XKR9: variants seen among roughly 807,000 people sequenced by gnomAD.
XKR9 encodes XK related 9.
In XKR9, 32 loss-of-function variants were observed where a neutral mutation model predicts 32.0. The observed-to-expected ratio is 1.00, with a 90% CI of 0.76 to 1.34. XKR9 has a LOEUF of 1.34. XKR9 is among the 40% of genes most tolerant of loss of function. The probability of loss-of-function intolerance (pLI) is 0.00; values close to 1 mark genes in which losing one functional copy is unlikely to be tolerated. For missense variants in XKR9, 546 were observed against 429.7 expected (o/e 1.27, Z -2.39); for synonymous variants, 168 against 143.4 (o/e 1.17, Z -1.22).
rs529728962 is a variant in XKR9 at position 70,734,757 on chromosome 8, T to C, written c.*333T>C. The C allele has an allele frequency of 1.2e-5, 2 of 170,630 alleles. No homozygotes were observed. The highest frequency in any genetic ancestry group is 1.7e-4 in the South Asian group (1 of 6,034). 10.6% of individuals were successfully genotyped at this position (170,630 alleles called of 1,614,324 possible). On this transcript the variant is annotated 3_prime_UTR_variant, in exon 5 of 5. Coordinates refer to ENST00000408926, the MANE Select transcript of XKR9 (RefSeq NM_001011720.2). ...CCTGAACTAATACTACTGTACCTGT[T>C]ATGGAGGACTGCAAAGGGAAGAGAA...
chr8:70,710,499 G>C (rs971034454), intron 4 of XKR9, among the ~76,000 whole-genome samples: 3 of 152,044 alleles, frequency 2.0e-5, no homozygotes, highest in African/African-American at 4.8e-5. Flanking sequence ...TCAGGAGTTC[G>C]AGATCAGCCT....
chr8:70,822,872 A>G, the XKR9 span, among the ~76,000 whole-genome samples: 3 of 152,204 alleles, frequency 2.0e-5, no homozygotes, highest in Admixed American at 1.3e-4. Flanking sequence ...TATCAGATAA[A>G]CAGAGACTGA....
the XKR9 span, among the ~76,000 whole-genome samples, chr8:70,809,530 A>C: frequency 1.2e-4 from 18 of 152,196 alleles, no homozygotes; most frequent in Non-Finnish European, 2.6e-4. Context: ...CATGGCGAAG[A>C]AGTTAAAAAC....
At chr8:70,746,846 G>A (rs754815835) in intron 2 of XKR9, among the ~76,000 whole-genome samples, 11 of 151,772 alleles carry the variant, frequency 7.2e-5, no homozygotes, top group East Asian at 5.8e-4. Flanking sequence ...AGGTTTTAGC[G>A]TCTATTGATC....
chr8:70,713,147 G>A (rs1259800038), intron 4 of XKR9, among the ~76,000 whole-genome samples: 1 of 152,086 alleles, frequency 6.6e-6, no homozygotes, highest in Non-Finnish European at 1.5e-5. Context: ...GAAAATTCAG[G>A]AATTGAAAGG....
At chr8:70,993,456 C>T in the XKR9 span, among the ~76,000 whole-genome samples, 120 of 152,234 alleles carry the variant, frequency 7.9e-4, no homozygotes, top group African/African-American at 2.8e-3. Context: ...ATTCCCCTGA[C>T]AGTGTCCCAA....
the XKR9 span, among the ~76,000 whole-genome samples, chr8:70,832,526 T>G: frequency 6.6e-6 from 1 of 152,152 alleles, no homozygotes; most frequent in Non-Finnish European, 1.5e-5. Flanking sequence ...GAGGAGAGAA[T>G]AAGCTGAAAA....
chr8:70,696,414 T>G (rs1209815243), intron 3 of XKR9, among the ~76,000 whole-genome samples: 1 of 151,902 alleles, frequency 6.6e-6, no homozygotes, highest in Non-Finnish European at 1.5e-5. Flanking sequence ...TAGCCAGTTT[T>G]CCCAGCACCA....
At chr8:70,809,607 A>C in the XKR9 span, among the ~76,000 whole-genome samples, 1 of 152,244 alleles carries the variant, frequency 6.6e-6, no homozygotes, top group African/African-American at 2.4e-5. Context: ...AAAGGACCTG[A>C]TGGAGCTGAA....
the XKR9 span, among the ~76,000 whole-genome samples, chr8:70,939,837 A>G: frequency 6.6e-6 from 1 of 152,128 alleles, no homozygotes; most frequent in Non-Finnish European, 1.5e-5. Flanking sequence ...CAACAACAAC[A>G]TTAAGAACAA....
At chr8:70,978,579 T>G in the XKR9 span, among the ~76,000 whole-genome samples, 3 of 152,212 alleles carry the variant, frequency 2.0e-5, no homozygotes, top group Admixed American at 2.0e-4. Context: ...CTCTTGTGGC[T>G]TGTAGAGTTT....
the XKR9 span, among the ~76,000 whole-genome samples, chr8:70,826,742 C>G: frequency 4.1e-4 from 62 of 152,086 alleles, no homozygotes; most frequent in African/African-American, 1.5e-3. Flanking sequence ...AGAAATGGAG[C>G]TTAGCTGTTT....
At chr8:71,063,990 C>T in the XKR9 span, among the ~76,000 whole-genome samples, 2 of 152,144 alleles carry the variant, frequency 1.3e-5, no homozygotes, top group Non-Finnish European at 2.9e-5. Flanking sequence ...ATGGGTCATT[C>T]ATACACAATT....
chr8:70,741,388 C>T (rs1806979460), intron 2 of XKR9, among the ~76,000 whole-genome samples: 1 of 152,298 alleles, frequency 6.6e-6, no homozygotes, highest in Admixed American at 6.5e-5. Context: ...CTTGGCCTTC[C>T]CAGGCTCTGA....
At chr8:70,930,893 A>G in the XKR9 span, among the ~76,000 whole-genome samples, 1 of 152,132 alleles carries the variant, frequency 6.6e-6, no homozygotes, top group Non-Finnish European at 1.5e-5. Context: ...TCCATATGCC[A>G]AAGAGCATCA....
At chr8:70,820,193 T>G in the XKR9 span, among the ~76,000 whole-genome samples, 1 of 152,328 alleles carries the variant, frequency 6.6e-6, no homozygotes, top group South Asian at 2.1e-4. Context: ...CTAAGGATAG[T>G]AAGAGACACA....
intron 2 of XKR9, among the ~76,000 whole-genome samples, chr8:70,751,023 A>C (rs141651469): frequency 2.6e-3 from 399 of 152,320 alleles, no homozygotes; most frequent in Non-Finnish European, 4.7e-3. Flanking sequence ...ACCTCAAGGA[A>C]GAGAGAATTC....
At chr8:70,844,336 C>T in the XKR9 span, among the ~76,000 whole-genome samples, 1 of 152,164 alleles carries the variant, frequency 6.6e-6, no homozygotes, top group Non-Finnish European at 1.5e-5. Flanking sequence ...GCTGCTGCTG[C>T]CATTGATGCC....
the XKR9 span, among the ~76,000 whole-genome samples, chr8:71,028,281 G>A: frequency 5.9e-5 from 9 of 152,026 alleles, no homozygotes; most frequent in Admixed American, 1.3e-4. Context: ...CTTTCACCTC[G>A]TTAGTTAAGT....
Sources: gnomAD v4.1 joint callset for allele counts (sites outside exome capture counted in the v4.1 genomes callset) on GRCh38, gnomAD v4.1.1 for gene constraint, MANE v1.5 for transcripts, NCBI Gene and HGNC (gene_info 2026-07-23, HGNC 2026-07-21) for gene names.